ALDH2: variants seen among roughly 807,000 people sequenced by gnomAD.
ALDH2 encodes the protein aldehyde dehydrogenase 2 family member, also known as aldehyde dehydrogenase, mitochondrial.
ALDH2 carries 44 observed loss-of-function variants against 59.6 expected under a neutral mutation model. The ratio of observed to expected loss-of-function variants is 0.74; its 90% CI spans 0.58 to 0.95. The LOEUF (loss-of-function observed/expected upper bound fraction) is 0.95, where lower values mean the gene tolerates loss of function less well. Ranked by LOEUF, ALDH2 falls within the 40% of genes least tolerant of loss-of-function variation. ALDH2 has a pLI of 0.00. For missense variants in ALDH2, 570 were observed against 696.3 expected, an observed-to-expected ratio of 0.82 and a Z score of 2.04; for synonymous variants, 291 against 284.0, an observed-to-expected ratio of 1.02 and a Z score of -0.25.
chr12:111,793,726 C>T (rs1276212725), intron 9 of ALDH2, among the ~76,000 whole-genome samples: 2 of 151,572 alleles, frequency 1.3e-5, no homozygotes, highest in South Asian at 2.1e-4. Context: ...GCTGGGACTA[C>T]AGGTGCGCAC....
rs1192732228 is a variant in ALDH2, at chr12:111,789,980, G to A, written c.552+46G>A. The A allele has an allele frequency of 3.2e-6, 5 of 1,574,948 alleles. No individual in the cohort carries two copies. In the African/African-American group the frequency reaches 6.7e-5, roughly 21 times the overall value. ...GTTTCTTCAGGGTGCCCTGAGATTT[G>A]GCAGTCTGCCAGACTCATTGCAGAG... On this transcript the variant is annotated intron_variant, in intron 5 of 12. Coordinates refer to ENST00000261733, the MANE Select transcript of ALDH2 (RefSeq NM_000690.4).
rs764179205 is a variant in ALDH2, at chr12:111,814,347, CAA to C, written c.*4784_*4785del. 3.1e-4 allele frequency: 36 copies of C among 116,816 alleles called. No homozygotes were observed. The highest frequency in any genetic ancestry group is 3.5e-4 in the Admixed American group (4 of 11,420). The allele number at this position is 116,816 out of a possible 1,614,324, so 7.2% of individuals were successfully genotyped here. On this transcript the variant is annotated 3_prime_UTR_variant, in exon 13 of 13. Coordinates refer to ENST00000261733, the MANE Select transcript of ALDH2 (RefSeq NM_000690.4). ...GGGTGACAGAGTGAGACTCTGTCTC[CAA>C]AAAAAAAAAAAGAAACCCCATCTCT...
chr12:111,807,875 A>ATTT (rs35239056), intron 12 of ALDH2, among the ~76,000 whole-genome samples: 3 of 139,248 alleles, frequency 2.2e-5, no homozygotes, highest in Non-Finnish European at 4.7e-5. Flanking sequence ...AGGTGGCTCA[A>ATTT]TTTTTTTTTT....
At chr12:111,800,786 G>A (rs2136024844) in intron 11 of ALDH2, among the ~76,000 whole-genome samples, 1 of 152,122 alleles carries the variant, frequency 6.6e-6, no homozygotes, top group Non-Finnish European at 1.5e-5. Context: ...TAAACATGAA[G>A]CCCCCATATG....
chr12:111,770,950 T>A (rs1481846225), intron 1 of ALDH2, among the ~76,000 whole-genome samples: 2 of 151,696 alleles, frequency 1.3e-5, no homozygotes, highest in Non-Finnish European at 2.9e-5. Context: ...GCCAATTTTT[T>A]ATAATTTTTA....
intron 3 of ALDH2, among the ~76,000 whole-genome samples, chr12:111,784,271 G>A (rs1036643934): frequency 1.3e-5 from 2 of 152,146 alleles, no homozygotes; most frequent in East Asian, 1.9e-4. Flanking sequence ...CTGTTGTGGT[G>A]CCACTGCGCT....
chr12:111,782,413 C>T (rs2068278777), intron 2 of ALDH2, among the ~76,000 whole-genome samples: 1 of 152,220 alleles, frequency 6.6e-6, no homozygotes, highest in Non-Finnish European at 1.5e-5. Flanking sequence ...AAATTAGACT[C>T]TTAGTAAAAA....
rs765692515 is a variant in ALDH2, at chr12:111,792,593, C to T, written c.899-5C>T. 74 of 1,609,444 alleles carry T rather than the reference C, an allele frequency of 4.6e-5. No individual in the cohort carries two copies. The highest frequency in any genetic ancestry group is 1.6e-4 in the Middle Eastern group (1 of 6,072). On this transcript the variant is annotated splice_polypyrimidine_tract_variant and splice_region_variant and intron_variant, in intron 8 of 12. Transcript: ENST00000261733. ...ACCTTTCTGTCTCCTGCCCACTTCC[C>T]GCAGTGGATTGGGCCGTGGAACAGG...
In ALDH2 at chr12:111,809,930, A is replaced by G. The variant is rs2068523495; in HGVS notation, c.*355A>G. 5.9e-6 allele frequency: 2 copies of G among 338,018 alleles called. No homozygotes were observed. Among genetic ancestry groups the G allele is most frequent in the South Asian group, 7.7e-5 (2 of 26,110 alleles). The allele number at this position is 338,018 out of a possible 1,614,324, so 20.9% of individuals were successfully genotyped here. A position where few individuals can be genotyped will look rare whatever the true frequency, so the allele number is the denominator to read the frequency against. On this transcript the variant is annotated 3_prime_UTR_variant, in exon 13 of 13. Transcript: ENST00000261733. Reference sequence around the variant, plus strand: ...ATATCACCATTAAGGCAACTGCTACACCCTGCTTTGTATTCTGGGCTAAGA... The same window carrying G: ...ATATCACCATTAAGGCAACTGCTACGCCCTGCTTTGTATTCTGGGCTAAGA...
chr12:111,796,344 T>TA (rs955899765), intron 9 of ALDH2, among the ~76,000 whole-genome samples: 24 of 149,922 alleles, frequency 1.6e-4, no homozygotes, highest in Admixed American at 4.0e-4. Context: ...ATTTTTTTTT[T>TA]AAAAAAAAGC....
At chr12:111,784,233 G>A (rs1593074962) in intron 3 of ALDH2, among the ~76,000 whole-genome samples, 1 of 152,164 alleles carries the variant, frequency 6.6e-6, no homozygotes, top group Non-Finnish European at 1.5e-5. Flanking sequence ...AGGCTTGCTT[G>A]AGCCCAGGAG....
At chr12:111,790,329 A>G in intron 5 of ALDH2, 105 bp from the exon 6 acceptor site, 1 of 1,469,246 alleles carries the variant, frequency 6.8e-7, no homozygotes, top group Non-Finnish European at 9.4e-7. Flanking sequence ...CGCAGGGTTC[A>G]GAGAACTCGG....
At position 111,800,019 on chromosome 12, in the gene ALDH2, C is replaced by T; in HGVS notation, c.1362C>T (p.Asp454=). 6.2e-7 allele frequency: 1 copy of T among 1,613,798 alleles called. No homozygotes were observed. The highest frequency in any genetic ancestry group is 8.5e-7 in the Non-Finnish European group (1 of 1,179,938). ...CAGCTGTCTTCACAAAGGATTTGGA[C>T]AAGGCCAATTACCTGTCCCAGGCCC... is the stretch of plus-strand genomic sequence containing the variant. ...LAAAVFTKDL[D]KANYLSQALQ... The change falls in exon 11 of 13, where the codon GAC becomes GAT. Residue 454 remains aspartate, a synonymous_variant. Transcript: ENST00000261733.
intron 1 of ALDH2, among the ~76,000 whole-genome samples, chr12:111,776,551 A>G (rs147883120): frequency 6.6e-6 from 1 of 152,098 alleles, no homozygotes; most frequent in Admixed American, 6.6e-5. Flanking sequence ...ACTTGAGCAC[A>G]GGAGTTTGGG....
In ALDH2 at chr12:111,814,569, G is replaced by A. The variant is rs1275174331; in HGVS notation, c.*4994G>A. 1.3e-5 allele frequency: 2 copies of A among 150,518 alleles called. No homozygotes were observed. Among genetic ancestry groups the A allele is most frequent in the Non-Finnish European group, 2.9e-5 (2 of 67,970 alleles). 9.3% of individuals were successfully genotyped at this position (150,518 alleles called of 1,614,324 possible). On this transcript the variant is annotated 3_prime_UTR_variant, in exon 13 of 13. Coordinates refer to ENST00000261733, the MANE Select transcript of ALDH2 (RefSeq NM_000690.4). ...AAAAAAAAAAAAAAGTGGCCAGGTG[G>A]TGCCATGGCTCATGCCTGTAATCTC...
At chr12:111,788,210 CAAAAAAAAGAAA>C (rs1022609127) in intron 4 of ALDH2, among the ~76,000 whole-genome samples, 2 of 146,012 alleles carry the variant, frequency 1.4e-5, no homozygotes, top group South Asian at 4.4e-4. Flanking sequence ...GACTTCGTCT[CAAAAAAAAGAAA>C]AAAAAAAAGA....
intron 11 of ALDH2, among the ~76,000 whole-genome samples, chr12:111,801,152 G>A (rs2136025027): frequency 6.6e-6 from 1 of 152,310 alleles, no homozygotes; most frequent in South Asian, 2.1e-4. Context: ...TGTCTCACGT[G>A]GTGGCAGACA....
intron 12 of ALDH2, among the ~76,000 whole-genome samples, chr12:111,806,850 G>A (rs1027830249): frequency 1.3e-5 from 2 of 151,964 alleles, no homozygotes; most frequent in African/African-American, 4.8e-5. Context: ...ATGTGTCTGT[G>A]GTCCCAGCTG....
intron 11 of ALDH2, among the ~76,000 whole-genome samples, chr12:111,801,052 G>A (rs573052065): frequency 6.6e-6 from 1 of 152,198 alleles, no homozygotes; most frequent in Non-Finnish European, 1.5e-5. Flanking sequence ...TGCAGAGACC[G>A]GGTAATTTAT....
Sources: allele counts gnomAD v4.1 joint callset (sites outside exome capture counted in the v4.1 genomes callset), GRCh38; gene constraint gnomAD v4.1.1; transcripts MANE v1.5; gene names NCBI Gene and HGNC (gene_info 2026-07-23, HGNC 2026-07-21).